The following DMD variants were observed in gnomAD, a reference collection of about 807,000 sequenced individuals.
DMD encodes dystrophin.
Under a neutral mutation model 330.1 loss-of-function variants are expected in DMD, and 63 were observed. That is an observed-to-expected ratio of 0.19 (90% CI 0.16 to 0.24). The LOEUF (loss-of-function observed/expected upper bound fraction) is 0.24. DMD is among the 10% of genes least tolerant of loss of function. DMD has a pLI of 1.00. For missense variants in DMD, 3,344 were observed against 2,684.1 expected, an observed-to-expected ratio of 1.25 and a Z score of -5.43; for synonymous variants, 1,223 against 959.8, an observed-to-expected ratio of 1.27 and a Z score of -5.07.
chrX:31,439,467 T>TGTAGACAAA (rs765321113), intron 60 of DMD, among the ~76,000 whole-genome samples: 4 of 108,617 alleles, frequency 3.7e-5, no homozygotes, highest in African/African-American at 1.3e-4. Flanking sequence ...TGGAGTGTAA[T>TGTAGACAAA]GATGTCTACA....
In DMD at chrX:31,136,497, C is replaced by A. The variant is rs780643738; in HGVS notation, c.10922-2303G>T. Among the ~76,000 whole-genome samples the A allele has an allele frequency of 6.2e-5, 7 of 112,042 alleles. No homozygotes were observed. The Admixed American group carries it at 6.6e-4, about 11-fold the overall frequency. On this transcript the variant is annotated intron_variant, in intron 76 of 78. Coordinates refer to ENST00000357033, the MANE Select transcript of DMD (RefSeq NM_004006.3). ...ATTACTGATGCAAATTTTTGCGGAA[C>A]TGGGAAACATGAGGCATTTTTAATG...
chrX:32,517,633 CTATTCTATTT>C (rs922195675), intron 18 of DMD: 1 of 210,781 alleles, frequency 4.7e-6, no homozygotes, highest in Admixed American at 6.7e-5. Context: ...TTATATTATT[CTATTCTATTT>C]TACTCTATTC....
At chrX:31,429,688 G>C (rs1212940496) in intron 60 of DMD, among the ~76,000 whole-genome samples, 1 of 111,162 alleles carries the variant, frequency 9.0e-6, no homozygotes, top group East Asian at 2.8e-4. Flanking sequence ...TTGTACAGGA[G>C]CAGCCCAGAT....
chrX:32,458,243 AT>A (rs1467789217), intron 25 of DMD, among the ~76,000 whole-genome samples: 2 of 111,133 alleles, frequency 1.8e-5, no homozygotes, highest in African/African-American at 6.5e-5. Flanking sequence ...CACAAAAAAA[AT>A]ATTCTCCAGT....
At chrX:31,323,124 ACAACTAAG>A (rs1402398500) in intron 62 of DMD, among the ~76,000 whole-genome samples, 1 of 112,131 alleles carries the variant, frequency 8.9e-6, no homozygotes, top group African/African-American at 3.2e-5. Flanking sequence ...TCAAGAATGA[ACAACTAAG>A]CCCTACGAGT....
chrX:31,804,162 T>G (rs1375133566), intron 50 of DMD, among the ~76,000 whole-genome samples: 1 of 111,555 alleles, frequency 9.0e-6, no homozygotes, highest in African/African-American at 3.3e-5. Context: ...CTCAGTGGCC[T>G]TGCAAAACTA....
Position 31,341,921 on chromosome X carries a change from G to A in DMD, c.9163+6635C>T, listed in dbSNP as rs779656560. ...CACACACACACACACACACACACAC[G>A]CATGTACACACATATCTAACAAATT... On this transcript the variant is annotated intron_variant, in intron 61 of 78. Transcript: ENST00000357033. Among the ~76,000 whole-genome samples, 10 of 92,156 alleles carry A rather than the reference G, an allele frequency of 1.1e-4. No homozygotes were observed. The East Asian group carries it at 2.3e-3, about 21-fold the overall frequency. The allele number at this position is 92,156 out of a possible 115,157, so 80.0% of individuals were successfully genotyped here. A position where few individuals can be genotyped will look rare whatever the true frequency, so the allele number is the denominator to read the frequency against.
intron 1 of DMD, among the ~76,000 whole-genome samples, chrX:33,166,088 G>A (rs1201983899): frequency 9.0e-6 from 1 of 111,450 alleles, no homozygotes; most frequent in Non-Finnish European, 1.9e-5. Flanking sequence ...TGCTCAGTGT[G>A]GGAAATCGGA....
At chrX:31,834,625 A>G (rs924602454) in intron 49 of DMD, among the ~76,000 whole-genome samples, 1 of 110,962 alleles carries the variant, frequency 9.0e-6, no homozygotes, top group Admixed American at 9.6e-5. Flanking sequence ...TTTTTAGTAG[A>G]GACAGGGTTT....
At chrX:33,242,567 A>G (rs2052603203) in intron 1 of DMD, among the ~76,000 whole-genome samples, 1 of 111,858 alleles carries the variant, frequency 8.9e-6, no homozygotes, top group Admixed American at 9.6e-5. Flanking sequence ...GTGTGCAAGT[A>G]TCTTTTACAT....
At chrX:32,743,130 A>C (rs2069519139) in intron 7 of DMD, among the ~76,000 whole-genome samples, 1 of 111,448 alleles carries the variant, frequency 9.0e-6, no homozygotes, top group Non-Finnish European at 1.9e-5. Context: ...TAGATCAAAA[A>C]TGCTAGGGAG....
chrX:33,009,102 GTATATATATGTGTA>G lies in DMD; in HGVS notation c.93+11023_93+11036del, dbSNP rs2093493019. On this transcript the variant is annotated intron_variant, in intron 2 of 78. Coordinates refer to ENST00000357033, the MANE Select transcript of DMD (RefSeq NM_004006.3). ...TATATGTGTATATATACGTATATAT[GTATATATATGTGTA>G]TATATACGTATATATGTATATATAT... Among the ~76,000 whole-genome samples the G allele has an allele frequency of 4.5e-4, 3 of 6,667 alleles. 1 individual carries two copies. The highest frequency in any genetic ancestry group is 1.2e-3 in the Non-Finnish European group (3 of 2,572). 5.8% of individuals were successfully genotyped at this position (6,667 alleles called of 115,157 possible).
chrX:32,645,041 C>T lies in DMD; in HGVS notation c.1072G>A (p.Ala358Thr). 2.5e-6 allele frequency: 3 copies of T among 1,211,629 alleles called. No homozygotes were observed. The highest frequency in any genetic ancestry group is 3.4e-6 in the Non-Finnish European group (3 of 895,468). Residue 358 changes from alanine (A) to threonine (T), a missense_variant, in exon 10 of 79, where the codon GCT (alanine) becomes ACT (threonine). Coordinates refer to ENST00000357033, the MANE Select transcript of DMD (RefSeq NM_004006.3). ...CCTTGTGCTTGCAATGTGTCCTCAG[C>T]AGAAAGAAGCCACGATAATACTTCT... ...LEEVLSWLLS[A>T]EDTLQAQGEI... is the part of the protein sequence containing the mutation.
At chrX:33,037,690 AAAT>A (rs2094228026) in intron 1 of DMD, among the ~76,000 whole-genome samples, 1 of 112,192 alleles carries the variant, frequency 8.9e-6, no homozygotes, top group Non-Finnish European at 1.9e-5. Flanking sequence ...GCTGAAATTT[AAAT>A]AATACTGATT....
At chrX:32,414,514 T>C (rs770594594) in intron 29 of DMD, among the ~76,000 whole-genome samples, 1 of 112,248 alleles carries the variant, frequency 8.9e-6, no homozygotes, top group East Asian at 2.8e-4. Flanking sequence ...GCATTTACTT[T>C]AGACTATCAA....
chrX:31,965,683 C>A (rs1005341385), intron 45 of DMD, among the ~76,000 whole-genome samples: 1 of 111,462 alleles, frequency 9.0e-6, no homozygotes, highest in Non-Finnish European at 1.9e-5. Context: ...CCCTTACAGC[C>A]GATGATAGGT....
intron 17 of DMD, among the ~76,000 whole-genome samples, chrX:32,537,833 G>C (rs2048130088): frequency 8.9e-6 from 1 of 112,387 alleles, no homozygotes; most frequent in South Asian, 3.7e-4. Context: ...ATGTGATCCT[G>C]TCTTCTTTCG....
chrX:32,519,718 C>T (rs903857853), intron 17 of DMD, among the ~76,000 whole-genome samples: 26 of 111,971 alleles, frequency 2.3e-4, no homozygotes, highest in African/African-American at 7.8e-4. Flanking sequence ...AACCTAATTA[C>T]TATCACAAAC....
chrX:32,579,554 C>T (rs1036690196), intron 13 of DMD, among the ~76,000 whole-genome samples: 6 of 112,531 alleles, frequency 5.3e-5, no homozygotes, highest in African/African-American at 1.9e-4. Context: ...ACACAACCTA[C>T]AGTGAGATAT....
Sources: allele counts gnomAD v4.1 joint callset (sites outside exome capture counted in the v4.1 genomes callset), GRCh38; gene constraint gnomAD v4.1.1; transcripts MANE v1.5; gene names NCBI Gene and HGNC (gene_info 2026-07-23, HGNC 2026-07-21).